PYHIN1: variants seen among roughly 807,000 people sequenced by gnomAD.
PYHIN1 encodes the protein pyrin and HIN domain family member 1.
In PYHIN1, 32 loss-of-function variants were observed where a neutral mutation model predicts 43.7. The observed-to-expected ratio is 0.73, with a 90% CI of 0.55 to 0.98. The LOEUF (loss-of-function observed/expected upper bound fraction) is 0.98, where lower values mean the gene tolerates loss of function less well. Among genes scored for constraint, PYHIN1 ranks in the 50% least tolerant of loss-of-function variants. The pLI is 0.00. For synonymous variants in PYHIN1, 205 were observed against 203.1 expected (o/e 1.01, Z -0.08); for missense variants, 588 against 589.5 (o/e 1.00, Z 0.03).
intron 7 of PYHIN1, among the ~76,000 whole-genome samples, chr1:158,968,853 A>G (rs1159165131): frequency 3.4e-5 from 5 of 148,858 alleles, no homozygotes; most frequent in African/African-American, 1.0e-4. Context: ...GAGAGAACAC[A>G]CGGACCCAAA....
the PYHIN1 span, among the ~76,000 whole-genome samples, chr1:158,989,238 G>A: frequency 1.3e-5 from 2 of 152,148 alleles, no homozygotes; most frequent in South Asian, 4.1e-4. Flanking sequence ...TTGATATTTA[G>A]TTGAGATTTT....
At chr1:158,976,206 T>C (rs1651246627) in intron 8 of PYHIN1, among the ~76,000 whole-genome samples, 1 of 152,064 alleles carries the variant, frequency 6.6e-6, no homozygotes, top group African/African-American at 2.4e-5. Context: ...TAAAGGCTAA[T>C]ATTGGAATGC....
the PYHIN1 span, among the ~76,000 whole-genome samples, chr1:158,989,711 T>C: frequency 6.6e-6 from 1 of 152,334 alleles, no homozygotes; most frequent in South Asian, 2.1e-4. Context: ...GACCTCTTGA[T>C]CTCAGGCTTA....
chr1:158,983,252 C>T, the PYHIN1 span, among the ~76,000 whole-genome samples: 1 of 151,880 alleles, frequency 6.6e-6, no homozygotes, highest in Non-Finnish European at 1.5e-5. Flanking sequence ...TCAGCTTTTG[C>T]CTATTTGTGA....
chr1:158,973,923 T>G (rs1440288650), intron 8 of PYHIN1, among the ~76,000 whole-genome samples, 152 bp downstream of exon 8: 2 of 152,140 alleles, frequency 1.3e-5, no homozygotes, highest in Non-Finnish European at 2.9e-5. Context: ...TAATTGGACA[T>G]GCCACTGGAT....
At chr1:158,979,855 G>A (rs1429831655), downstream of PYHIN1, among the ~76,000 whole-genome samples, 1 of 152,092 alleles carries the variant, frequency 6.6e-6, no homozygotes, top group Non-Finnish European at 1.5e-5. Context: ...GTACCTGATA[G>A]GTAGTTTTTC....
intron 7 of PYHIN1, among the ~76,000 whole-genome samples, chr1:158,958,757 A>T (rs567544569): frequency 6.0e-4 from 50 of 83,698 alleles, no homozygotes; most frequent in African/African-American, 2.0e-3. Context: ...AAAGTATAAT[A>T]AAAAAAAAGA....
At chr1:158,935,558 G>T (rs989411793) in intron 1 of PYHIN1, among the ~76,000 whole-genome samples, 28 of 152,164 alleles carry the variant, frequency 1.8e-4, no homozygotes, top group African/African-American at 6.3e-4. Context: ...GTTCAGGAAA[G>T]TGATAGTTTT....
At chr1:158,941,787 G>A (rs1397341852) in intron 4 of PYHIN1, among the ~76,000 whole-genome samples, 190 bp from the exon 5 acceptor site, 2 of 151,966 alleles carry the variant, frequency 1.3e-5, no homozygotes, top group Non-Finnish European at 2.9e-5. Context: ...TTTACTATGT[G>A]GTCTCCTATA....
Position 158,945,020 on chromosome 1 carries a change from C to T in PYHIN1, c.1337C>T (p.Pro446Leu). The T allele has an allele frequency of 6.2e-7, 1 of 1,613,486 alleles. No homozygotes were observed. The highest frequency in any genetic ancestry group is 8.5e-7 in the Non-Finnish European group (1 of 1,179,664). ...LKTPQMPPTTPSSSSFTKKDE... is the reference protein window; with the variant it reads ...LKTPQMPPTTLSSSSFTKKDE... ...ACTCCTCAGATGCCACCAACAACCCCATCCAGCAGTTCCTTCACCAAGGTA... is the reference window on the plus strand; with the variant it reads ...ACTCCTCAGATGCCACCAACAACCCTATCCAGCAGTTCCTTCACCAAGGTA... The change falls in exon 7 of 9, where the codon CCA becomes CTA. Residue 446 changes from proline (P) to leucine (L), a missense_variant. By Grantham distance (98) the Pro-to-Leu change is moderately conservative. Coordinates refer to ENST00000368140, the MANE Select transcript of PYHIN1 (RefSeq NM_152501.5).
downstream of PYHIN1, among the ~76,000 whole-genome samples, chr1:158,981,172 A>T (rs1651471841): frequency 6.6e-6 from 1 of 152,138 alleles, no homozygotes; most frequent in African/African-American, 2.4e-5. Flanking sequence ...GGCCATCTAG[A>T]TTGATTCCAT....
At chr1:158,990,836 G>A in the PYHIN1 span, among the ~76,000 whole-genome samples, 1 of 152,070 alleles carries the variant, frequency 6.6e-6, no homozygotes, top group Admixed American at 6.5e-5. Context: ...AAGTTTTGAG[G>A]GAGGCACATG....
In PYHIN1 at chr1:158,964,496, A is replaced by AGGTCACTGGGC. The variant is rs1650508108; in HGVS notation, c.1360-9151_1360-9150insGGTCACTGGGC. Among the ~76,000 whole-genome samples, 4 of 152,202 alleles carry AGGTCACTGGGC rather than the reference A, an allele frequency of 2.6e-5. No homozygotes were observed. In the South Asian group the frequency reaches 8.3e-4, roughly 32 times the overall value. On this transcript the variant is annotated intron_variant, in intron 7 of 8. Coordinates refer to ENST00000368140, the MANE Select transcript of PYHIN1 (RefSeq NM_152501.5). ...TAGAGAGAAGGGGCAGGTCACTGGGAAGGTCACCTACAAAAGGAACCCTAT... is the reference window on the plus strand; with the variant it reads ...TAGAGAGAAGGGGCAGGTCACTGGGAGGTCACTGGGCAGGTCACCTACAAAAGGAACCCTAT...
At chr1:158,976,449 C>G (rs147062112) in intron 8 of PYHIN1, among the ~76,000 whole-genome samples, 2 of 152,160 alleles carry the variant, frequency 1.3e-5, no homozygotes, top group Non-Finnish European at 2.9e-5. Flanking sequence ...TCCCTGACAT[C>G]TCCTGCCCTT....
intron 7 of PYHIN1, among the ~76,000 whole-genome samples, chr1:158,955,869 G>C (rs1649887302): frequency 1.3e-5 from 1 of 74,656 alleles, no homozygotes; most frequent in Non-Finnish European, 3.0e-5. Context: ...GACTAATAAA[G>C]AAAAAAAGAG....
intron 7 of PYHIN1, among the ~76,000 whole-genome samples, chr1:158,953,033 C>A (rs777293494): frequency 6.6e-6 from 1 of 152,214 alleles, no homozygotes; most frequent in Non-Finnish European, 1.5e-5. Flanking sequence ...CCGAATATTG[C>A]GCTTTTCGGA....
chr1:158,946,579 A>T (rs1649235022), intron 7 of PYHIN1, among the ~76,000 whole-genome samples: 1 of 152,134 alleles, frequency 6.6e-6, no homozygotes, highest in Non-Finnish European at 1.5e-5. Context: ...AGATAGATAG[A>T]TAGATAGATA....
chr1:158,968,423 T>C (rs1321485096), intron 7 of PYHIN1, among the ~76,000 whole-genome samples: 2 of 151,964 alleles, frequency 1.3e-5, no homozygotes, highest in Non-Finnish European at 2.9e-5. Flanking sequence ...AGAATGACTG[T>C]TATTAAAAAG....
At chr1:158,936,795 A>G in intron 1 of PYHIN1, 96 bp from the exon 2 acceptor site, 1 of 750,540 alleles carries the variant, frequency 1.3e-6, no homozygotes, top group Non-Finnish European at 2.0e-6. Flanking sequence ...ACAATGAACA[A>G]CTCTTTCTTA....
Sources: allele counts gnomAD v4.1 joint callset (sites outside exome capture counted in the v4.1 genomes callset), GRCh38; gene constraint gnomAD v4.1.1; transcripts MANE v1.5; gene names NCBI Gene and HGNC (gene_info 2026-07-23, HGNC 2026-07-21).